The following CATSPERT variants were observed in gnomAD, a reference collection of about 807,000 sequenced individuals.
CATSPERT encodes the protein catsper channel auxiliary subunit tau.
the CATSPERT span, among the ~76,000 whole-genome samples, chr2:201,514,087 TATCTC>T: frequency 6.6e-6 from 1 of 151,950 alleles, no homozygotes; most frequent in African/African-American, 2.4e-5. Context: ...AAAAAAGAAA[TATCTC>T]AAATTGTTTA....
chr2:201,576,262 T>A, the CATSPERT span, among the ~76,000 whole-genome samples: 2 of 152,160 alleles, frequency 1.3e-5, no homozygotes, highest in African/African-American at 2.4e-5. Flanking sequence ...AATAAAAAAA[T>A]AAAGACTATG....
At chr2:201,577,878 T>TA in the CATSPERT span, among the ~76,000 whole-genome samples, 2 of 152,156 alleles carry the variant, frequency 1.3e-5, no homozygotes, top group African/African-American at 4.8e-5. Context: ...ATCCTCATTA[T>TA]AAAAAAAGAT....
At chr2:201,535,447 CATTTT>C in the CATSPERT span, 1 of 954,872 alleles carries the variant, frequency 1.0e-6, no homozygotes, top group African/African-American at 1.8e-5. Flanking sequence ...CTCTTATTCT[CATTTT>C]AAACTATAAA....
chr2:201,492,345 T>C, the CATSPERT span: 11 of 1,535,564 alleles, frequency 7.2e-6, no homozygotes, highest in Non-Finnish European at 9.6e-6. Context: ...ATTTTGAAAG[T>C]TTTTCTATAA....
chr2:201,570,478 G>T, the CATSPERT span, among the ~76,000 whole-genome samples: 1 of 152,068 alleles, frequency 6.6e-6, no homozygotes, highest in African/African-American at 2.4e-5. Context: ...AACTAATTAG[G>T]CATTTTGCTA....
the CATSPERT span, among the ~76,000 whole-genome samples, chr2:201,568,780 C>T: frequency 2.6e-5 from 4 of 152,154 alleles, no homozygotes; most frequent in East Asian, 1.9e-4. Flanking sequence ...AGTTCTATGG[C>T]GTCTTCTTGG....
chr2:201,558,156 CT>C, the CATSPERT span: 1 of 152,228 alleles, frequency 6.6e-6, no homozygotes, highest in African/African-American at 2.4e-5. Context: ...GACGACTTCA[CT>C]TTTAAACTTT....
chr2:201,594,883 A>C, the CATSPERT span, among the ~76,000 whole-genome samples: 1 of 151,968 alleles, frequency 6.6e-6, no homozygotes, highest in Non-Finnish European at 1.5e-5. Flanking sequence ...CATTCTTCTA[A>C]ATTTTTTTCA....
the CATSPERT span, among the ~76,000 whole-genome samples, chr2:201,506,268 A>AAAACAAACAAACAAACAAAC: frequency 3.3e-5 from 5 of 151,082 alleles, no homozygotes; most frequent in African/African-American, 7.3e-5. Context: ...CTCCGTCTCA[A>AAAACAAACAAACAAACAAAC]AAACAAACAA....
At chr2:201,494,449 A>G in the CATSPERT span, 1 of 1,537,564 alleles carries the variant, frequency 6.5e-7, no homozygotes, top group Non-Finnish European at 8.7e-7. Flanking sequence ...TACATTTGGT[A>G]GATTTTCTTT....
chr2:201,560,561 G>A, the CATSPERT span, among the ~76,000 whole-genome samples: 1 of 151,964 alleles, frequency 6.6e-6, no homozygotes, highest in Admixed American at 6.5e-5. Context: ...AAGGTCTATT[G>A]AAATAATACG....
chr2:201,618,117 T>C, the CATSPERT span, among the ~76,000 whole-genome samples: 1 of 152,140 alleles, frequency 6.6e-6, no homozygotes, highest in African/African-American at 2.4e-5. Flanking sequence ...GGTGGGAGTG[T>C]AAACTAGTTC....
At chr2:201,542,800 T>C in the CATSPERT span, among the ~76,000 whole-genome samples, 1 of 152,200 alleles carries the variant, frequency 6.6e-6, no homozygotes, top group Non-Finnish European at 1.5e-5. Flanking sequence ...CCCCATTCTG[T>C]AGGTTTCCTC....
chr2:201,504,830 G>A, the CATSPERT span, among the ~76,000 whole-genome samples: 4 of 152,242 alleles, frequency 2.6e-5, 1 homozygote, highest in African/African-American at 4.8e-5. Context: ...CCTAGTGCCA[G>A]TGTACTGGTC....
chr2:201,533,652 T>C, the CATSPERT span, among the ~76,000 whole-genome samples: 2 of 152,214 alleles, frequency 1.3e-5, no homozygotes, highest in Non-Finnish European at 2.9e-5. Flanking sequence ...TAGCATGACA[T>C]TGAGGATCTT....
At chr2:201,593,207 A>G in the CATSPERT span, among the ~76,000 whole-genome samples, 1 of 152,000 alleles carries the variant, frequency 6.6e-6, no homozygotes, top group East Asian at 1.9e-4. Flanking sequence ...GTTTCAAAGA[A>G]CATCTTTATT....
chr2:201,590,593 G>A, the CATSPERT span, among the ~76,000 whole-genome samples: 1 of 152,104 alleles, frequency 6.6e-6, no homozygotes, highest in South Asian at 2.1e-4. Context: ...CTAGTTTACA[G>A]TCCCACCAGC....
chr2:201,568,125 G>A, the CATSPERT span, among the ~76,000 whole-genome samples: 8,369 of 152,210 alleles, frequency 0.055, 282 homozygotes, highest in African/African-American at 0.08. Flanking sequence ...TATACAGGAT[G>A]TCACCACCCA....
At chr2:201,543,749 T>C in the CATSPERT span, among the ~76,000 whole-genome samples, 5 of 152,186 alleles carry the variant, frequency 3.3e-5, no homozygotes, top group Admixed American at 6.5e-5. Flanking sequence ...ACAGGTCTTT[T>C]TGTGTGGAGT....
Sources: gnomAD v4.1 joint callset for allele counts (sites outside exome capture counted in the v4.1 genomes callset) on GRCh38, gnomAD v4.1.1 for gene constraint, MANE v1.5 for transcripts, NCBI Gene and HGNC (gene_info 2026-07-23, HGNC 2026-07-21) for gene names.